PCNX2: variants seen among roughly 807,000 people sequenced by gnomAD.
The protein encoded by PCNX2 is pecanex 2.
In PCNX2, 168 loss-of-function variants were observed where a neutral mutation model predicts 223.8. That is an observed-to-expected ratio of 0.75 (90% CI 0.66 to 0.85). PCNX2 has a LOEUF of 0.85. Ranked by LOEUF, PCNX2 falls within the 40% of genes least tolerant of loss-of-function variation. The pLI is 0.00. For synonymous variants in PCNX2, 1,006 were observed against 1,052.6 expected (o/e 0.96, Z 0.86); for missense variants, 2,507 against 2,675.5 (o/e 0.94, Z 1.39).
intron 12 of PCNX2, among the ~76,000 whole-genome samples, chr1:233,215,630 A>C (rs770343729): frequency 4.6e-5 from 7 of 152,214 alleles, no homozygotes; most frequent in Non-Finnish European, 8.8e-5. Context: ...AGGAATGTTT[A>C]ACAGCATAGA....
intron 17 of PCNX2, among the ~76,000 whole-genome samples, chr1:233,168,891 A>C (rs1024811975): frequency 5.9e-4 from 90 of 152,022 alleles, no homozygotes; most frequent in African/African-American, 2.0e-3. Flanking sequence ...TGATGTGTAC[A>C]AAAAAAATGC....
chr1:233,119,935 G>A (rs1328754888), intron 21 of PCNX2, among the ~76,000 whole-genome samples: 1 of 151,982 alleles, frequency 6.6e-6, no homozygotes, highest in Non-Finnish European at 1.5e-5. Flanking sequence ...GGGAGGCCGA[G>A]GCGGGTGGAT....
chr1:233,159,995 AC>A (rs1678368518), intron 19 of PCNX2, among the ~76,000 whole-genome samples: 1 of 152,228 alleles, frequency 6.6e-6, no homozygotes, highest in Non-Finnish European at 1.5e-5. Flanking sequence ...TTTCCACAAT[AC>A]CAATAGCCAA....
intron 19 of PCNX2, 154 bp from the exon 20 acceptor site, chr1:233,140,009 C>T (rs1323721632): frequency 2.2e-6 from 1 of 452,802 alleles, no homozygotes; most frequent in Non-Finnish European, 2.9e-6. Context: ...TTTTTCCAGG[C>T]AGCAACTGTT....
At chr1:233,193,340 GT>G (rs1308611490) in intron 15 of PCNX2, among the ~76,000 whole-genome samples, 1 of 151,954 alleles carries the variant, frequency 6.6e-6, no homozygotes, top group Non-Finnish European at 1.5e-5. Flanking sequence ...AATCAACAAT[GT>G]CATTAATCAA....
At chr1:233,115,705 A>C (rs1476826226) in intron 21 of PCNX2, among the ~76,000 whole-genome samples, 1 of 152,234 alleles carries the variant, frequency 6.6e-6, no homozygotes, top group Non-Finnish European at 1.5e-5. Context: ...GATGTATGAG[A>C]GTTCTAGTGG....
chr1:233,228,314 T>C (rs1233381982), intron 9 of PCNX2, among the ~76,000 whole-genome samples: 6 of 152,206 alleles, frequency 3.9e-5, no homozygotes, highest in African/African-American at 1.4e-4. Context: ...CCCAGCCCCC[T>C]GCAGAGCTTC....
chr1:233,118,004 C>T (rs943541774), intron 21 of PCNX2, among the ~76,000 whole-genome samples: 12 of 142,168 alleles, frequency 8.4e-5, no homozygotes, highest in Non-Finnish European at 1.7e-4. Flanking sequence ...AGCGAGACTC[C>T]GTCTCAAAAA....
intron 21 of PCNX2, among the ~76,000 whole-genome samples, chr1:233,128,903 T>G (rs1007134945): frequency 6.6e-6 from 1 of 152,208 alleles, no homozygotes; most frequent in Admixed American, 6.5e-5. Flanking sequence ...GAGGGTCCCA[T>G]GTCTCAGGAA....
chr1:233,272,760 A>G (rs1475186997), intron 1 of PCNX2, among the ~76,000 whole-genome samples: 2 of 152,220 alleles, frequency 1.3e-5, no homozygotes, highest in African/African-American at 2.4e-5. Flanking sequence ...CCATCAATCA[A>G]TGAGTGGATA....
chr1:233,091,208 T>C (rs1184741900), intron 22 of PCNX2, among the ~76,000 whole-genome samples: 7 of 152,166 alleles, frequency 4.6e-5, no homozygotes, highest in African/African-American at 1.2e-4. Context: ...ATCATTCTAC[T>C]ACAGATCTGA....
At chr1:233,161,452 C>T in intron 17 of PCNX2, 89 bp from the exon 18 acceptor site, 2 of 1,124,768 alleles carry the variant, frequency 1.8e-6, no homozygotes, top group Admixed American at 2.0e-5. Context: ...AGGACATTGA[C>T]CCAAGATAAA....
At chr1:233,006,581 G>A (rs1558157734) in intron 28 of PCNX2, among the ~76,000 whole-genome samples, 1 of 152,106 alleles carries the variant, frequency 6.6e-6, no homozygotes, top group East Asian at 1.9e-4. Context: ...AGGGCTCCAA[G>A]TATTGGACAA....
chr1:233,322,122 T>A, the PCNX2 span, among the ~76,000 whole-genome samples: 18 of 152,208 alleles, frequency 1.2e-4, no homozygotes, highest in Non-Finnish European at 2.2e-4. Flanking sequence ...AGCAACCCCA[T>A]ACAGCCATTC....
intron 21 of PCNX2, 29 bp from the exon 22 acceptor site, chr1:233,095,892 G>A (rs763384212): frequency 1.3e-6 from 2 of 1,503,046 alleles, no homozygotes; most frequent in Non-Finnish European, 9.1e-7. Context: ...AAATTCATCA[G>A]AGAGGACAAT....
chr1:233,150,775 T>C (rs1365038081), intron 19 of PCNX2, among the ~76,000 whole-genome samples: 1 of 151,970 alleles, frequency 6.6e-6, no homozygotes, highest in Non-Finnish European at 1.5e-5. Context: ...TCAGTGGGAA[T>C]AAAAATGTGT....
chr1:233,043,134 T>C (rs1347196362), intron 25 of PCNX2, among the ~76,000 whole-genome samples: 1 of 152,220 alleles, frequency 6.6e-6, no homozygotes, highest in East Asian at 1.9e-4. Flanking sequence ...GTTGCCTGGC[T>C]CCTGCTGTTG....
rs181820886 is a variant in PCNX2, at chr1:233,254,261, A to C, written c.1835-1473T>G. Among the ~76,000 whole-genome samples, 5 of 152,352 alleles carry C rather than the reference A, an allele frequency of 3.3e-5. 1 individual carries two copies. The highest frequency in any genetic ancestry group is 3.3e-4 in the Admixed American group (5 of 15,304). On this transcript the variant is annotated intron_variant, in intron 5 of 33. Transcript: ENST00000258229. The stretch of plus-strand genomic sequence containing the variant: ...CTTGGTATGAAAATGTTTGCATTTC[A>C]TGTGACAGCCTGTCAAGATAGAAGT...
In PCNX2 at chr1:233,179,141, A is replaced by C; in HGVS notation, c.3101T>G (p.Phe1034Cys). ...GACCAAGAGGCCACAGAAGGCCGAA[A>C]ACAGTGCCGGGATGTGTTGCATGCT... ...PWSMQHIPAL[F>C]SAFCGLLVAL... The change falls in exon 16 of 34, where the codon TTT becomes TGT. Residue 1034 changes from phenylalanine to cysteine, a missense_variant. By Grantham distance (205) the Phe-to-Cys change is radical. Around this residue, in one of 3 missense-constraint regions of PCNX2, gnomAD observed 1,372 missense variants for 1,509.4 expected, o/e 0.91. Coordinates refer to ENST00000258229, the MANE Select transcript of PCNX2 (RefSeq NM_014801.4). The C allele has an allele frequency of 6.2e-7, 1 of 1,613,952 alleles. No individual in the cohort carries two copies. Among genetic ancestry groups the C allele is most frequent in the South Asian group, 1.1e-5 (1 of 91,090 alleles).
Sources: allele counts gnomAD v4.1 joint callset (sites outside exome capture counted in the v4.1 genomes callset), GRCh38; gene constraint gnomAD v4.1.1; regional missense constraint gnomAD v4.1.1; transcripts MANE v1.5; gene names NCBI Gene and HGNC (gene_info 2026-07-23, HGNC 2026-07-21).